UBE2Z: variants seen among roughly 807,000 people sequenced by gnomAD.
UBE2Z encodes ubiquitin conjugating enzyme E2 Z, also known as ubiquitin-conjugating enzyme E2 Z.
In UBE2Z, 10 loss-of-function variants were observed where a neutral mutation model predicts 32.6. The observed-to-expected ratio is 0.31, with a 90% CI of 0.19 to 0.52. The LOEUF (loss-of-function observed/expected upper bound fraction) is 0.52, where lower values mean the gene tolerates loss of function less well. Among genes scored for constraint, UBE2Z ranks in the 20% least tolerant of loss-of-function variants. The probability of loss-of-function intolerance (pLI) is 0.97; values close to 1 mark genes in which losing one functional copy is unlikely to be tolerated. For synonymous variants in UBE2Z, 183 were observed against 190.8 expected (o/e 0.96, Z 0.34); for missense variants, 343 against 480.9 (o/e 0.71, Z 2.68).
At position 48,910,791 on chromosome 17, in the gene UBE2Z, C is replaced by T; in HGVS notation, c.318-17C>T. 1.2e-6 allele frequency: 2 copies of T among 1,601,824 alleles called. No individual in the cohort carries two copies. The highest frequency in any genetic ancestry group is 1.7e-6 in the Non-Finnish European group (2 of 1,168,948). On this transcript the variant is annotated splice_polypyrimidine_tract_variant and intron_variant, in intron 1 of 6. Coordinates refer to ENST00000360943, the MANE Select transcript of UBE2Z (RefSeq NM_023079.5). ...TCTTCCTCACTCCTTCCCCCACCTC[C>T]TCTTGGTGTTATACAGGGATATCAT...
intron 6 of UBE2Z, among the ~76,000 whole-genome samples, chr17:48,925,364 G>A (rs1168398217): frequency 6.6e-6 from 1 of 151,586 alleles, no homozygotes; most frequent in Admixed American, 6.6e-5. Flanking sequence ...TCCAGCTCTC[G>A]TACTATGTCT....
chr17:48,908,848 C>T lies in UBE2Z; in HGVS notation c.317+28C>T, dbSNP rs1334559297. 7 of 1,463,424 alleles carry T rather than the reference C, an allele frequency of 4.8e-6. No individual in the cohort carries two copies. The Admixed American group carries it at 9.2e-5, about 19-fold the overall frequency. The allele number at this position is 1,463,424 out of a possible 1,614,324, so 90.7% of individuals were successfully genotyped here. ...GAGCCGGGGTTTTTCCTCCCCCAGC[C>T]CCGAGCTCCGGGGCTCGACCTTCCC... On this transcript the variant is annotated intron_variant, in intron 1 of 6. Coordinates refer to ENST00000360943, the MANE Select transcript of UBE2Z (RefSeq NM_023079.5).
In UBE2Z at chr17:48,919,890, T is replaced by C. The variant is rs1444486279; in HGVS notation, c.691-1270T>C. 3.9e-5 allele frequency among the ~76,000 whole-genome samples: 6 copies of C among 152,318 alleles called. No individual in the cohort carries two copies. The East Asian group carries it at 5.8e-4, about 15-fold the overall frequency. On this transcript the variant is annotated intron_variant, in intron 4 of 6. Coordinates refer to ENST00000360943, the MANE Select transcript of UBE2Z (RefSeq NM_023079.5). ...TACTTGTTGATGCCTGAAGGTTTTC[T>C]ACACTGAGACTCTTCACTTCATTTA...
chr17:48,916,118 C>G lies in UBE2Z; in HGVS notation c.621C>G (p.Ser207=), dbSNP rs1204799672. ...GPAWSPAQSI[S]SVLISIQSLM... is the part of the protein sequence containing the mutation. ...CCTGGAGCCCAGCCCAGAGCATCTCCTCAGTGCTCATCTCTATCCAGTCCC... is the reference window on the plus strand; with the variant it reads ...CCTGGAGCCCAGCCCAGAGCATCTCGTCAGTGCTCATCTCTATCCAGTCCC... The change falls in exon 4 of 7, where the codon TCC becomes TCG. Residue 207 remains serine (S), a synonymous_variant. Transcript: ENST00000360943. The G allele has an allele frequency of 6.3e-6, 10 of 1,590,524 alleles. No homozygotes were observed. Among genetic ancestry groups the G allele is most frequent in the Non-Finnish European group, 8.5e-6 (10 of 1,170,930 alleles).
intron 3 of UBE2Z, among the ~76,000 whole-genome samples, chr17:48,914,997 G>A (rs2040709127): frequency 1.3e-5 from 2 of 152,218 alleles, no homozygotes; most frequent in South Asian, 4.1e-4. Flanking sequence ...CTCCAGCCTG[G>A]GTGACAGAGG....
chr17:48,923,021 C>A lies in UBE2Z; in HGVS notation c.894+84C>A. On this transcript the variant is annotated intron_variant, in intron 6 of 6. Transcript: ENST00000360943. ...CCACAAGCGTGGCATCGACAGCTGT[C>A]ATAGAATGACACAGCTAAGCCTGGG... is the stretch of plus-strand genomic sequence containing the variant. 2.4e-6 allele frequency: 3 copies of A among 1,257,116 alleles called. No individual in the cohort carries two copies. In the South Asian group the frequency reaches 4.0e-5, roughly 17 times the overall value. 77.9% of individuals were successfully genotyped at this position (1,257,116 alleles called of 1,614,324 possible).
intron 1 of UBE2Z, 147 bp from the exon 2 acceptor site, chr17:48,910,661 A>T: frequency 1.5e-6 from 1 of 666,524 alleles, no homozygotes; most frequent in Non-Finnish European, 2.7e-6. Context: ...TTTCTCAGCC[A>T]ACAAGACAGT....
In UBE2Z at chr17:48,928,961, G is replaced by A. The variant is rs1167736393; in HGVS notation, c.*1827G>A. On this transcript the variant is annotated 3_prime_UTR_variant, in exon 7 of 7. Transcript: ENST00000360943. ...GAGTTGAGGAAATATATGCACAGGA[G>A]TCAAAGAGATGTCTTTATATCTGAC... is the stretch of plus-strand genomic sequence containing the variant. 2.6e-5 allele frequency: 4 copies of A among 152,658 alleles called. No individual in the cohort carries two copies. Among genetic ancestry groups the A allele is most frequent in the African/African-American group, 9.6e-5 (4 of 41,464 alleles). 9.5% of individuals were successfully genotyped at this position (152,658 alleles called of 1,614,324 possible).
chr17:48,915,868 C>CCT, intron 3 of UBE2Z: 1 of 315,488 alleles, frequency 3.2e-6, no homozygotes, highest in Non-Finnish European at 5.8e-6. Context: ...TTCTTTTGCC[C>CCT]CCCCCCCTTG....
intron 3 of UBE2Z, 23 bp from the exon 4 acceptor site, chr17:48,916,053 C>G (rs1356939498): frequency 6.5e-7 from 1 of 1,541,634 alleles, no homozygotes; most frequent in South Asian, 1.2e-5. Flanking sequence ...CCTCACCCTC[C>G]ATTCCTTCTG....
chr17:48,910,123 G>GC (rs1291961274), intron 1 of UBE2Z, among the ~76,000 whole-genome samples: 4 of 152,014 alleles, frequency 2.6e-5, no homozygotes, highest in Non-Finnish European at 5.9e-5. Flanking sequence ...ATGTTCTTTA[G>GC]CCCCTTGCTC....
At position 48,929,040 on chromosome 17, in the gene UBE2Z, AGTTT is replaced by A. The variant is rs1198322355; in HGVS notation, c.*1911_*1914del. ...TTTGTTTTCCTTTTTGGTGCAATAAAGTTTGTTTTGGCAGAAGGAGGAAGTGCCT... is the reference window on the plus strand; with the variant it reads ...TTTGTTTTCCTTTTTGGTGCAATAAAGTTTTGGCAGAAGGAGGAAGTGCCT... On this transcript the variant is annotated 3_prime_UTR_variant, in exon 7 of 7. Coordinates refer to ENST00000360943, the MANE Select transcript of UBE2Z (RefSeq NM_023079.5). 3 of 152,602 alleles carry A rather than the reference AGTTT, an allele frequency of 2.0e-5. No homozygotes were observed. Among genetic ancestry groups the A allele is most frequent in the African/African-American group, 4.8e-5 (2 of 41,428 alleles). 9.5% of individuals were successfully genotyped at this position (152,602 alleles called of 1,614,324 possible).
chr17:48,925,789 ACT>A (rs2040793645), intron 6 of UBE2Z, among the ~76,000 whole-genome samples: 1 of 152,130 alleles, frequency 6.6e-6, no homozygotes, highest in South Asian at 2.1e-4. Context: ...GAGGGAGTTA[ACT>A]CTCATGAAGG....
intron 3 of UBE2Z, among the ~76,000 whole-genome samples, chr17:48,914,496 T>C (rs780277611): frequency 3.3e-5 from 5 of 152,236 alleles, no homozygotes; most frequent in Non-Finnish European, 5.9e-5. Flanking sequence ...GGGTACTTAA[T>C]TAATTGTCTT....
At chr17:48,924,456 T>C (rs999981353) in intron 6 of UBE2Z, among the ~76,000 whole-genome samples, 1 of 152,224 alleles carries the variant, frequency 6.6e-6, no homozygotes, top group Admixed American at 6.5e-5. Context: ...TAACCATTGT[T>C]CATTCTTTGC....
intron 6 of UBE2Z, 62 bp from the exon 7 acceptor site, chr17:48,926,902 C>T: frequency 6.5e-7 from 1 of 1,540,162 alleles, no homozygotes; most frequent in Non-Finnish European, 8.8e-7. Context: ...CCCGAAGTTG[C>T]TTTCTCTAGG....
At chr17:48,913,215 T>C (rs1162146165) in intron 3 of UBE2Z, among the ~76,000 whole-genome samples, 194 bp downstream of exon 3, 1 of 152,124 alleles carries the variant, frequency 6.6e-6, no homozygotes, top group East Asian at 1.9e-4. Context: ...TTTATTACAG[T>C]GGTAACCTTT....
At chr17:48,925,622 AAT>A (rs1158427882) in intron 6 of UBE2Z, among the ~76,000 whole-genome samples, 5 of 152,208 alleles carry the variant, frequency 3.3e-5, no homozygotes, top group Non-Finnish European at 1.5e-5. Context: ...CAGCATTAGC[AAT>A]ATCAGTGTGT....
intron 1 of UBE2Z, among the ~76,000 whole-genome samples, chr17:48,909,554 C>G (rs982597221): frequency 3.2e-5 from 4 of 125,702 alleles, no homozygotes; most frequent in African/African-American, 1.2e-4. Flanking sequence ...CCCCACCCCC[C>G]ACCCTCCCCG....
Sources: gnomAD v4.1 joint callset for allele counts (sites outside exome capture counted in the v4.1 genomes callset) on GRCh38, gnomAD v4.1.1 for gene constraint, MANE v1.5 for transcripts, NCBI Gene and HGNC (gene_info 2026-07-23, HGNC 2026-07-21) for gene names.